SLC39A11: variants seen among roughly 807,000 people sequenced by gnomAD.
SLC39A11 encodes the protein zinc transporter ZIP11.
In SLC39A11, 33 loss-of-function variants were observed where a neutral mutation model predicts 36.1. The ratio of observed to expected loss-of-function variants is 0.91; its 90% CI spans 0.69 to 1.22. SLC39A11 has a LOEUF of 1.22. Among genes scored for constraint, SLC39A11 ranks in the 50% most tolerant of loss-of-function variants. The pLI is 0.00. For missense variants in SLC39A11, 432 were observed against 430.3 expected (o/e 1.00, Z -0.03); for synonymous variants, 166 against 170.3 (o/e 0.97, Z 0.20).
chr17:72,896,913 C>T (rs1240747228), intron 5 of SLC39A11, among the ~76,000 whole-genome samples: 3 of 151,634 alleles, frequency 2.0e-5, no homozygotes, highest in Non-Finnish European at 2.9e-5. Context: ...ATTAGCTGGG[C>T]GTGGTGGCGG....
intron 3 of SLC39A11, among the ~76,000 whole-genome samples, chr17:73,048,411 C>A (rs1236245359): frequency 6.6e-6 from 1 of 152,112 alleles, no homozygotes; most frequent in African/African-American, 2.4e-5. Flanking sequence ...TGCACATGTA[C>A]CACATTTTCT....
intron 7 of SLC39A11, among the ~76,000 whole-genome samples, chr17:72,716,956 G>T (rs1442819880): frequency 1.4e-5 from 2 of 138,942 alleles, no homozygotes; most frequent in African/African-American, 2.9e-5. Flanking sequence ...GAAACAGAGG[G>T]AGACCCTGTC....
chr17:72,739,062 C>G (rs1179284134), intron 6 of SLC39A11, among the ~76,000 whole-genome samples: 1 of 151,852 alleles, frequency 6.6e-6, no homozygotes, highest in Non-Finnish European at 1.5e-5. Flanking sequence ...ACCTTTTGTG[C>G]TTGATCTCCT....
intron 5 of SLC39A11, among the ~76,000 whole-genome samples, chr17:72,880,058 T>C (rs2081115171): frequency 6.6e-6 from 1 of 152,214 alleles, no homozygotes. Context: ...TACCCTGAGA[T>C]GATTAAACTC....
intron 4 of SLC39A11, among the ~76,000 whole-genome samples, chr17:72,980,137 C>A (rs1463518446): frequency 6.6e-6 from 1 of 152,000 alleles, no homozygotes; most frequent in African/African-American, 2.4e-5. Flanking sequence ...TGTACATGTA[C>A]AAATCTCAAA....
intron 4 of SLC39A11, among the ~76,000 whole-genome samples, chr17:72,954,332 GCTCC>G (rs2086091182): frequency 6.6e-6 from 1 of 152,260 alleles, no homozygotes; most frequent in Non-Finnish European, 1.5e-5. Context: ...ACAAGTCAGA[GCTCC>G]CTGAGGAAAG....
intron 4 of SLC39A11, among the ~76,000 whole-genome samples, chr17:73,000,315 C>T: frequency 6.7e-6 from 1 of 149,426 alleles, no homozygotes; most frequent in Non-Finnish European, 1.5e-5. Flanking sequence ...TCTCTCAATC[C>T]CTCTCCTCTC....
intron 6 of SLC39A11, among the ~76,000 whole-genome samples, chr17:72,766,752 G>T (rs1228986927): frequency 6.6e-6 from 1 of 152,164 alleles, no homozygotes; most frequent in African/African-American, 2.4e-5. Context: ...CAGGAGCATT[G>T]CCATCTTGGA....
chr17:72,734,969 C>G (rs2074362888), intron 7 of SLC39A11, among the ~76,000 whole-genome samples: 2 of 152,328 alleles, frequency 1.3e-5, no homozygotes, highest in East Asian at 3.9e-4. Flanking sequence ...TACATGCCCC[C>G]ACCCCAGGCC....
intron 7 of SLC39A11, chr17:72,712,947 G>C (rs2073173908): frequency 6.6e-6 from 1 of 152,274 alleles, no homozygotes; most frequent in South Asian, 2.1e-4. Flanking sequence ...CAGGAAGGCA[G>C]GTTAAGTCCA....
intron 5 of SLC39A11, among the ~76,000 whole-genome samples, chr17:72,888,033 A>C (rs2081524115): frequency 6.6e-6 from 1 of 152,236 alleles, no homozygotes; most frequent in Non-Finnish European, 1.5e-5. Flanking sequence ...TCTAAAAACA[A>C]AACAACAAAA....
intron 7 of SLC39A11, among the ~76,000 whole-genome samples, chr17:72,700,465 A>G (rs2144558231): frequency 6.6e-6 from 1 of 152,360 alleles, no homozygotes; most frequent in Non-Finnish European, 1.5e-5. Context: ...GTTTCTGAAC[A>G]TCTCCAAGAT....
At chr17:72,913,414 C>T (rs1294068363) in intron 5 of SLC39A11, among the ~76,000 whole-genome samples, 1 of 152,006 alleles carries the variant, frequency 6.6e-6, no homozygotes, top group African/African-American at 2.4e-5. Flanking sequence ...GGCAGGCAGC[C>T]AGGAAGTAAA....
chr17:72,662,060 A>G (rs996261667), intron 7 of SLC39A11, among the ~76,000 whole-genome samples: 2 of 152,182 alleles, frequency 1.3e-5, no homozygotes, highest in Admixed American at 1.3e-4. Context: ...GCCTCATACA[A>G]TGTGGTGGGG....
At chr17:72,660,317 TGTTA>T (rs1286179766) in intron 7 of SLC39A11, among the ~76,000 whole-genome samples, 17 of 152,244 alleles carry the variant, frequency 1.1e-4, no homozygotes, top group African/African-American at 3.9e-4. Context: ...TAACCACTGC[TGTTA>T]TTTATTGAGT....
chr17:72,912,676 G>T (rs954399426), intron 5 of SLC39A11, among the ~76,000 whole-genome samples: 34 of 152,122 alleles, frequency 2.2e-4, no homozygotes, highest in Admixed American at 5.9e-4. Flanking sequence ...GTACGGGGGT[G>T]AGGAGGAAAC....
chr17:73,003,148 C>T (rs758409527), intron 4 of SLC39A11, among the ~76,000 whole-genome samples: 13 of 152,192 alleles, frequency 8.5e-5, no homozygotes, highest in Non-Finnish European at 1.6e-4. Flanking sequence ...GCTGGGGCTT[C>T]CCAAGCCCAG....
intron 4 of SLC39A11, among the ~76,000 whole-genome samples, chr17:73,025,054 T>C (rs927875117): frequency 2.0e-5 from 3 of 151,998 alleles, no homozygotes; most frequent in African/African-American, 7.2e-5. Flanking sequence ...CGCACACTGT[T>C]CATTTAAGCT....
chr17:73,045,520 C>T (rs959532168), intron 3 of SLC39A11, among the ~76,000 whole-genome samples: 2 of 151,628 alleles, frequency 1.3e-5, no homozygotes, highest in African/African-American at 4.8e-5. Context: ...GAGTGAGATG[C>T]CCAGCTGGAC....
Sources: gnomAD v4.1 joint callset for allele counts (sites outside exome capture counted in the v4.1 genomes callset) on GRCh38, gnomAD v4.1.1 for gene constraint, MANE v1.5 for transcripts, NCBI Gene and HGNC (gene_info 2026-07-23, HGNC 2026-07-21) for gene names.